The following PHKB variants were observed in gnomAD, a reference collection of about 807,000 sequenced individuals.
PHKB encodes the protein phosphorylase b kinase regulatory subunit beta.
A neutral mutation model predicts 152.1 loss-of-function variants in PHKB; 122 were observed. The ratio of observed to expected loss-of-function variants is 0.80; its 90% CI spans 0.69 to 0.93. The LOEUF (loss-of-function observed/expected upper bound fraction) is 0.93, where lower values mean the gene tolerates loss of function less well. Ranked by LOEUF, PHKB falls within the 40% of genes least tolerant of loss-of-function variation. The probability of loss-of-function intolerance (pLI) is 0.00; values close to 1 mark genes in which losing one functional copy is unlikely to be tolerated. For synonymous variants in PHKB, 436 were observed against 464.9 expected (o/e 0.94, Z 0.80); for missense variants, 1,304 against 1,328.4 (o/e 0.98, Z 0.29).
intron 20 of PHKB, among the ~76,000 whole-genome samples, chr16:47,654,992 A>T (rs1175740747): frequency 6.6e-6 from 1 of 152,156 alleles, no homozygotes; most frequent in African/African-American, 2.4e-5. Context: ...TTAGATAACA[A>T]GTTGGAGAAT....
In PHKB at chr16:47,464,076, A is replaced by G. The variant is rs1969624372; in HGVS notation, c.76+2650A>G. On this transcript the variant is annotated intron_variant, in intron 1 of 30. Transcript: ENST00000323584. Reference sequence around the variant, plus strand: ...AAGGTTGATTTCACTATAAGATATCATTATGTCTTTATTTCTTCTTTGGTG... The same window carrying G: ...AAGGTTGATTTCACTATAAGATATCGTTATGTCTTTATTTCTTCTTTGGTG... 4.4e-6 allele frequency: 4 copies of G among 919,440 alleles called. No individual in the cohort carries two copies. The East Asian group carries it at 7.2e-5, about 17-fold the overall frequency. The allele number at this position is 919,440 out of a possible 1,614,324, so 57.0% of individuals were successfully genotyped here. A position where few individuals can be genotyped will look rare whatever the true frequency, so the allele number is the denominator to read the frequency against.
rs145777693 is a variant in PHKB, at chr16:47,463,963, G to A, written c.76+2537G>A. 480 of 1,613,716 alleles carry A rather than the reference G, an allele frequency of 3.0e-4. 3 individuals are homozygous for A. In the East Asian group the frequency reaches 9.1e-3, roughly 31 times the overall value. ...AATGGCCTGCTCACCTGATGCAGTC[G>A]TCTCTCCGTCTTCCGCTTTCTTAAG... On this transcript the variant is annotated intron_variant, in intron 1 of 30. Coordinates refer to ENST00000323584, the MANE Select transcript of PHKB (RefSeq NM_000293.3).
At chr16:47,672,051 A>T (rs1479096522) in intron 26 of PHKB, among the ~76,000 whole-genome samples, 3 of 152,068 alleles carry the variant, frequency 2.0e-5, no homozygotes, top group Non-Finnish European at 2.9e-5. Context: ...TCTCTAGGAG[A>T]TTTCTACTTT....
Position 47,581,165 on chromosome 16 carries a change from A to C in PHKB, c.774+807A>C, listed in dbSNP as rs555348400. 3.3e-4 allele frequency among the ~76,000 whole-genome samples: 50 copies of C among 152,354 alleles called. No individual in the cohort carries two copies. The South Asian group carries it at 5.0e-3, about 15-fold the overall frequency. Reference sequence around the variant, plus strand: ...GAGGTTACACAGTTGTGCAAAAAAAACGACATGGTTTTTGTTATGGCAATT... The same window carrying C: ...GAGGTTACACAGTTGTGCAAAAAAACCGACATGGTTTTTGTTATGGCAATT... On this transcript the variant is annotated intron_variant, in intron 8 of 30. Transcript: ENST00000323584.
At chr16:47,683,170 C>T (rs980098813) in intron 26 of PHKB, among the ~76,000 whole-genome samples, 1 of 152,138 alleles carries the variant, frequency 6.6e-6, no homozygotes, top group Non-Finnish European at 1.5e-5. Flanking sequence ...GTCAGTCTGC[C>T]CCTACTGGGG....
At chr16:47,515,459 AT>A in intron 5 of PHKB, 61 bp from the exon 6 acceptor site, 1 of 804,890 alleles carries the variant, frequency 1.2e-6, no homozygotes, top group Non-Finnish European at 2.2e-6. Flanking sequence ...GCCTTAATTG[AT>A]TAATTTTATA....
intron 6 of PHKB, among the ~76,000 whole-genome samples, chr16:47,541,808 T>C (rs1971064536): frequency 6.6e-6 from 1 of 152,030 alleles, no homozygotes; most frequent in Non-Finnish European, 1.5e-5. Context: ...TTTTGAAAAG[T>C]GTCTGTTCAT....
At chr16:47,556,805 CCT>C (rs1400357359) in intron 7 of PHKB, among the ~76,000 whole-genome samples, 2 of 152,232 alleles carry the variant, frequency 1.3e-5, no homozygotes, top group African/African-American at 4.8e-5. Flanking sequence ...GGGAGGATTC[CCT>C]CTTTTTCTAT....
intron 6 of PHKB, among the ~76,000 whole-genome samples, chr16:47,543,113 T>G (rs1340202498): frequency 6.6e-6 from 1 of 152,246 alleles, no homozygotes; most frequent in East Asian, 1.9e-4. Flanking sequence ...TTTTTGCCCA[T>G]TCAGTGTGAT....
intron 27 of PHKB, among the ~76,000 whole-genome samples, chr16:47,692,496 A>G (rs200013886): frequency 5.3e-5 from 8 of 152,192 alleles, no homozygotes; most frequent in Admixed American, 2.0e-4. Flanking sequence ...CATGTCTGTA[A>G]TCTTAGCCAC....
In PHKB at chr16:47,596,381, G is replaced by C; in HGVS notation, c.1213G>C (p.Val405Leu). 6.2e-7 allele frequency: 1 copy of C among 1,602,630 alleles called. No individual in the cohort carries two copies. The highest frequency in any genetic ancestry group is 8.5e-7 in the Non-Finnish European group (1 of 1,169,678). The change falls in exon 13 of 31, where the codon GTT becomes CTT. Residue 405 changes from valine (V) to leucine (L), a missense_variant. Transcript: ENST00000323584. ...ATTTTTAAACTCCATAGGATATCCT[G>C]TTGTACCAAAGTACTATTATGTGCC... The part of the protein sequence containing the change: ...VLHHTTEGYP[V>L]VPKYYYVPAD...
chr16:47,686,509 TTCC>T (rs555629025), intron 26 of PHKB, among the ~76,000 whole-genome samples: 132 of 152,342 alleles, frequency 8.7e-4, no homozygotes, highest in African/African-American at 2.9e-3. Flanking sequence ...ACATTATTTG[TTCC>T]TCAAAATAAT....
At chr16:47,475,834 A>G (rs1347885576) in intron 1 of PHKB, among the ~76,000 whole-genome samples, 1 of 152,154 alleles carries the variant, frequency 6.6e-6, no homozygotes, top group Non-Finnish European at 1.5e-5. Flanking sequence ...TTCCTGTTCA[A>G]ATTGAGCCCC....
chr16:47,524,832 C>T (rs984152756), intron 6 of PHKB, among the ~76,000 whole-genome samples: 5 of 152,124 alleles, frequency 3.3e-5, no homozygotes, highest in African/African-American at 7.2e-5. Context: ...TCAGTATCCC[C>T]GTGTTGCCTG....
chr16:47,493,880 C>G (rs1970190227), intron 1 of PHKB, among the ~76,000 whole-genome samples: 1 of 152,116 alleles, frequency 6.6e-6, no homozygotes, highest in African/African-American at 2.4e-5. Context: ...CAAAATAAAA[C>G]CTTAACTTCA....
At chr16:47,672,228 T>C (rs1973649967) in intron 26 of PHKB, among the ~76,000 whole-genome samples, 1 of 152,184 alleles carries the variant, frequency 6.6e-6, no homozygotes, top group Non-Finnish European at 1.5e-5. Flanking sequence ...CCTTCACTCT[T>C]ATCCCTTAAA....
At chr16:47,682,612 A>G (rs1322304904) in intron 26 of PHKB, among the ~76,000 whole-genome samples, 2 of 152,164 alleles carry the variant, frequency 1.3e-5, no homozygotes, top group East Asian at 1.9e-4. Context: ...TTTCAGCTCC[A>G]TCAGGTCCTT....
rs1388199494 is a variant in PHKB at position 47,489,401 on chromosome 16, A to G, written c.77-7998A>G. 2.6e-5 allele frequency among the ~76,000 whole-genome samples: 4 copies of G among 152,356 alleles called. No individual in the cohort carries two copies. The East Asian group carries it at 5.8e-4, about 22-fold the overall frequency. On this transcript the variant is annotated intron_variant, in intron 1 of 30. Coordinates refer to ENST00000323584, the MANE Select transcript of PHKB (RefSeq NM_000293.3). Reference sequence around the variant, plus strand: ...GCTAAAAAACAAAACGAAACAAATCATGATAGGACTGAGTTGTTTGCAACA... The same window carrying G: ...GCTAAAAAACAAAACGAAACAAATCGTGATAGGACTGAGTTGTTTGCAACA...
At chr16:47,641,301 TA>T (rs1223605381) in intron 15 of PHKB, among the ~76,000 whole-genome samples, 1 of 152,202 alleles carries the variant, frequency 6.6e-6, no homozygotes, top group Non-Finnish European at 1.5e-5. Context: ...AGGTGAATAT[TA>T]AAGACTGACC....
Sources: gnomAD v4.1 joint callset for allele counts (sites outside exome capture counted in the v4.1 genomes callset) on GRCh38, gnomAD v4.1.1 for gene constraint, MANE v1.5 for transcripts, NCBI Gene and HGNC (gene_info 2026-07-23, HGNC 2026-07-21) for gene names.